IGF2R: variants seen among roughly 807,000 people sequenced by gnomAD.
IGF2R encodes cation-independent mannose-6-phosphate receptor.
Under a neutral mutation model 270.6 loss-of-function variants are expected in IGF2R, and 91 were observed. The observed-to-expected ratio is 0.34, with a 90% CI of 0.28 to 0.40. IGF2R has a LOEUF of 0.40. Among genes scored for constraint, IGF2R ranks in the 10% least tolerant of loss-of-function variants. IGF2R has a pLI of 1.00. For missense variants in IGF2R, 2,805 were observed against 3,188.3 expected (o/e 0.88, Z 2.90); for synonymous variants, 1,316 against 1,258.9 (o/e 1.05, Z -0.96).
intron 10 of IGF2R, 62 bp from the exon 11 acceptor site, chr6:160,040,498 C>T (rs1472848268): frequency 1.4e-6 from 2 of 1,456,354 alleles, no homozygotes; most frequent in Non-Finnish European, 1.9e-6. Context: ...TTCCTTGCTC[C>T]TTAGCTGTTC....
chr6:160,029,487 A>G (rs1377594566), intron 6 of IGF2R, 63 bp from the exon 7 acceptor site: 9 of 1,002,202 alleles, frequency 9.0e-6, no homozygotes, highest in East Asian at 7.2e-5. Flanking sequence ...GCTCAGGGCA[A>G]CATATGAATT....
Position 160,063,447 on chromosome 6 carries a change from G to A in IGF2R, c.3703G>A (p.Gly1235Ser), listed in dbSNP as rs1778486178. 1 of 1,612,650 alleles carries A rather than the reference G, an allele frequency of 6.2e-7. No individual in the cohort carries two copies. The highest frequency in any genetic ancestry group is 1.3e-5 in the African/African-American group (1 of 74,878). The part of the protein sequence containing the change: ...DNCEVKDPRH[G>S]NLYDLKPLGL... ...CTGTGAGGTGAAAGACCCAAGGCAT[G>A]GCAACTTGTATGACCTGAAGCCCCT... The change falls in exon 27 of 48, where the codon GGC becomes AGC. Residue 1235 changes from glycine to serine, a missense_variant. By Grantham distance (56) the Gly-to-Ser change is moderately conservative (BLOSUM62 0). This residue lies in a region of IGF2R where 1,851 missense variants were observed against 2,207.2 expected (regional missense o/e 0.84). Transcript: ENST00000356956.
At chr6:160,002,051 TAAG>T (rs1680726144) in intron 2 of IGF2R, among the ~76,000 whole-genome samples, 1 of 152,304 alleles carries the variant, frequency 6.6e-6, no homozygotes, top group African/African-American at 2.4e-5. Flanking sequence ...TTATATGTAT[TAAG>T]TACTATATTC....
At chr6:160,005,521 G>C (rs934770332) in intron 2 of IGF2R, 1 of 152,250 alleles carries the variant, frequency 6.6e-6, no homozygotes, top group African/African-American at 2.4e-5. Flanking sequence ...GGCCGCCAGC[G>C]TGGCCGTGCG....
In IGF2R at chr6:160,048,363, T is replaced by C; in HGVS notation, c.2346-12T>C. On this transcript the variant is annotated splice_polypyrimidine_tract_variant and intron_variant, in intron 17 of 47. Coordinates refer to ENST00000356956, the MANE Select transcript of IGF2R (RefSeq NM_000876.4). ...TCTTTAAAAGCATATACATTTTGCT[T>C]TGAAATTTTAGTCTGGCAAAATCTG... 1 of 1,613,822 alleles carries C rather than the reference T, an allele frequency of 6.2e-7. No individual in the cohort carries two copies. The highest frequency in any genetic ancestry group is 8.5e-7 in the Non-Finnish European group (1 of 1,179,658).
chr6:160,002,312 G>C (rs1291844385), intron 2 of IGF2R, among the ~76,000 whole-genome samples: 1 of 152,144 alleles, frequency 6.6e-6, no homozygotes, highest in Non-Finnish European at 1.5e-5. Flanking sequence ...GATTGCTTGA[G>C]CCCAGGAGGT....
chr6:160,038,806 CCAAA>C (rs1777879277), intron 10 of IGF2R, among the ~76,000 whole-genome samples: 3 of 151,746 alleles, frequency 2.0e-5, no homozygotes, highest in Admixed American at 6.6e-5. Flanking sequence ...AACCAGCCAA[CCAAA>C]CAAACAAAAA....
Position 159,986,424 on chromosome 6 carries a change from GTGTGTGTTTTTTT to G in IGF2R, c.150-4758_150-4746del, listed in dbSNP as rs1378297956. On this transcript the variant is annotated intron_variant, in intron 1 of 47. Coordinates refer to ENST00000356956, the MANE Select transcript of IGF2R (RefSeq NM_000876.4). ...TTTTTGTGTGTGTGTGTGTGTGTGTGTGTGTGTTTTTTTTTTTTTTTTAAGTAGATTCAGGGTT... is the reference window on the plus strand; with the variant it reads ...TTTTTGTGTGTGTGTGTGTGTGTGTGTTTTTTTTTAAGTAGATTCAGGGTT... Among the ~76,000 whole-genome samples the G allele has an allele frequency of 1.2e-4, 13 of 111,200 alleles. No individual in the cohort carries two copies. In the Admixed American group the frequency reaches 1.4e-3, roughly 12 times the overall value. The allele number at this position is 111,200 out of a possible 152,430, so 73.0% of individuals were successfully genotyped here. A position where few individuals can be genotyped will look rare whatever the true frequency, so the allele number is the denominator to read the frequency against.
chr6:159,970,006 G>A (rs545750825), intron 1 of IGF2R, among the ~76,000 whole-genome samples: 90 of 152,224 alleles, frequency 5.9e-4, no homozygotes, highest in African/African-American at 2.1e-3. Context: ...GGCAGGGGGT[G>A]TCGTCCAGTG....
chr6:160,003,742 C>G (rs1054167105), intron 2 of IGF2R: 6 of 152,030 alleles, frequency 3.9e-5, no homozygotes, highest in Non-Finnish European at 7.4e-5. Flanking sequence ...TTTCATGGAG[C>G]TTACATTTTA....
At chr6:160,085,892 G>A (rs138333581) in intron 41 of IGF2R, among the ~76,000 whole-genome samples, 71 of 152,322 alleles carry the variant, frequency 4.7e-4, no homozygotes, top group African/African-American at 1.7e-3. Flanking sequence ...CGCCCAGACC[G>A]CCAGCCTGAG....
At chr6:160,034,634 C>T in intron 10 of IGF2R, 112 bp downstream of exon 10, 1 of 682,940 alleles carries the variant, frequency 1.5e-6, no homozygotes, top group Non-Finnish European at 2.6e-6. Context: ...GTCAGATGCC[C>T]TCCTTTGGAC....
intron 1 of IGF2R, among the ~76,000 whole-genome samples, chr6:159,990,712 C>T (rs1783964402): frequency 6.6e-6 from 1 of 152,148 alleles, no homozygotes; most frequent in African/African-American, 2.4e-5. Flanking sequence ...TCACTGCAAC[C>T]TCCGTCTCCC....
At chr6:160,099,117 T>G (rs754364895) in intron 45 of IGF2R, among the ~76,000 whole-genome samples, 3 of 152,208 alleles carry the variant, frequency 2.0e-5, no homozygotes, top group Non-Finnish European at 4.4e-5. Flanking sequence ...AGCACAGTTA[T>G]TGATGACAAG....
chr6:160,069,602 A>G (rs945540288), intron 30 of IGF2R, among the ~76,000 whole-genome samples: 6 of 152,166 alleles, frequency 3.9e-5, no homozygotes, highest in African/African-American at 1.4e-4. Context: ...GTTCAGAAAG[A>G]ATTTCGACTG....
intron 22 of IGF2R, among the ~76,000 whole-genome samples, chr6:160,059,397 T>C (rs1778384174): frequency 6.6e-6 from 1 of 152,194 alleles, no homozygotes; most frequent in African/African-American, 2.4e-5. Context: ...ATTGTTACAG[T>C]TGTTCTGTTT....
intron 7 of IGF2R, among the ~76,000 whole-genome samples, chr6:160,031,790 A>G: frequency 6.6e-6 from 1 of 152,204 alleles, no homozygotes; most frequent in East Asian, 1.9e-4. Context: ...GTATTTACGG[A>G]ATGAATGGTG....
At chr6:160,087,999 A>C (rs1305341375) in intron 41 of IGF2R, 34 bp from the exon 42 acceptor site, 1 of 1,382,742 alleles carries the variant, frequency 7.2e-7, no homozygotes, top group South Asian at 1.2e-5. Context: ...AATGCACTAG[A>C]AATAATGTCA....
Position 160,050,456 on chromosome 6 carries a change from G to A in IGF2R, c.2515-17G>A, listed in dbSNP as rs1325086091. On this transcript the variant is annotated splice_polypyrimidine_tract_variant and intron_variant, in intron 18 of 47. Transcript: ENST00000356956. This position sits in a 1 kb window ranked among gnomAD's most constrained non-coding sequence, Gnocchi z 4.0. The stretch of plus-strand genomic sequence containing the variant: ...ATCTTCAGGGGGAAAAGCCTAACAA[G>A]ACTGGTTTTCTTGCAGGGCTCCTTC... The A allele has an allele frequency of 6.3e-7, 1 of 1,599,972 alleles. No homozygotes were observed. Among genetic ancestry groups the A allele is most frequent in the Non-Finnish European group, 8.6e-7 (1 of 1,168,908 alleles).
Sources: allele counts gnomAD v4.1 joint callset (sites outside exome capture counted in the v4.1 genomes callset), GRCh38; gene constraint gnomAD v4.1.1; regional missense constraint gnomAD v4.1.1; non-coding constraint Gnocchi (gnomAD v3.1); transcripts MANE v1.5; gene names NCBI Gene and HGNC (gene_info 2026-07-23, HGNC 2026-07-21).